The following MAST4 variants were observed in gnomAD, a reference collection of about 807,000 sequenced individuals.
MAST4 encodes microtubule associated serine/threonine kinase family member 4.
MAST4 carries 89 observed loss-of-function variants against 162.7 expected under a neutral mutation model. That is an observed-to-expected ratio of 0.55 (90% CI 0.46 to 0.65). The LOEUF (loss-of-function observed/expected upper bound fraction) is 0.65, where lower values mean the gene tolerates loss of function less well. MAST4 is among the 30% of genes least tolerant of loss of function. MAST4 has a pLI of 0.00. For synonymous variants in MAST4, 1,479 were observed against 1,361.1 expected (o/e 1.09, Z -1.91); for missense variants, 3,153 against 3,374.0 (o/e 0.93, Z 1.62).
chr5:66,683,154 C>T (rs998621000), intron 1 of MAST4, among the ~76,000 whole-genome samples: 5 of 152,160 alleles, frequency 3.3e-5, no homozygotes, highest in African/African-American at 1.2e-4. Context: ...AGCATAAGCT[C>T]CTGTTACTCT....
chr5:66,975,753 G>A (rs1196291215), intron 4 of MAST4, among the ~76,000 whole-genome samples: 1 of 152,160 alleles, frequency 6.6e-6, no homozygotes, highest in Non-Finnish European at 1.5e-5. Flanking sequence ...CAGCACTTTG[G>A]GAGGCCGAAG....
At chr5:67,142,606 A>G (rs753266495) in intron 21 of MAST4, 73 bp downstream of exon 21, 3 of 977,228 alleles carry the variant, frequency 3.1e-6, no homozygotes, top group Non-Finnish European at 4.7e-6. Context: ...GTATCCCCGA[A>G]CAGCTGGACA....
intron 1 of MAST4, among the ~76,000 whole-genome samples, chr5:66,620,047 CTTTTT>C (rs200969306): frequency 9.0e-4 from 120 of 133,838 alleles, no homozygotes; most frequent in African/African-American, 9.4e-4. Context: ...ACTTAGGTTG[CTTTTT>C]TTTTTTTTTT....
At chr5:67,086,969 T>G (rs949900193) in intron 5 of MAST4, among the ~76,000 whole-genome samples, 1 of 152,224 alleles carries the variant, frequency 6.6e-6, no homozygotes, top group Non-Finnish European at 1.5e-5. Flanking sequence ...TTGCTAAGTC[T>G]TCAGAGACTG....
At chr5:66,963,884 A>C in intron 4 of MAST4, 1 of 770,208 alleles carries the variant, frequency 1.3e-6, no homozygotes, top group Non-Finnish European at 2.4e-6. Context: ...TGCAATCCAC[A>C]ATCCACAGGG....
chr5:66,611,986 T>C (rs1329210923), intron 1 of MAST4, among the ~76,000 whole-genome samples: 1 of 152,214 alleles, frequency 6.6e-6, no homozygotes, highest in Admixed American at 6.5e-5. Flanking sequence ...AACTGTTAGA[T>C]CTTGGGCAGT....
chr5:67,127,098 T>C (rs2150977157), intron 14 of MAST4, among the ~76,000 whole-genome samples: 1 of 152,370 alleles, frequency 6.6e-6, no homozygotes, highest in East Asian at 1.9e-4. Context: ...CCTGAGACTT[T>C]GCTGAAGTTG....
chr5:67,124,828 C>T (rs1051183789), intron 14 of MAST4, among the ~76,000 whole-genome samples: 2 of 152,122 alleles, frequency 1.3e-5, no homozygotes, highest in Non-Finnish European at 1.5e-5. Context: ...AGACTAAAGC[C>T]GTTTTTTATA....
intron 1 of MAST4, among the ~76,000 whole-genome samples, chr5:66,688,558 A>G (rs1748840029): frequency 6.6e-6 from 1 of 152,172 alleles, no homozygotes; most frequent in South Asian, 2.1e-4. Context: ...CTGTCTCTTT[A>G]TACCTCTTAT....
chr5:66,815,525 T>C (rs1352357129), intron 3 of MAST4, among the ~76,000 whole-genome samples: 3 of 152,206 alleles, frequency 2.0e-5, no homozygotes, highest in Non-Finnish European at 4.4e-5. Context: ...CTATCTGTGG[T>C]TTCGGGCATT....
chr5:67,032,039 C>A (rs1416680933), intron 4 of MAST4, among the ~76,000 whole-genome samples: 1 of 152,134 alleles, frequency 6.6e-6, no homozygotes, highest in Non-Finnish European at 1.5e-5. Flanking sequence ...AATCTGCCCC[C>A]CTTCCAAAAA....
At chr5:67,132,891 A>T (rs1340085082) in intron 16 of MAST4, among the ~76,000 whole-genome samples, 1 of 152,150 alleles carries the variant, frequency 6.6e-6, no homozygotes, top group Non-Finnish European at 1.5e-5. Context: ...TCCATCCAGT[A>T]GCTTTTTAAA....
chr5:66,954,301 A>C (rs890715019), intron 4 of MAST4, among the ~76,000 whole-genome samples: 7 of 152,126 alleles, frequency 4.6e-5, no homozygotes, highest in Admixed American at 2.0e-4. Flanking sequence ...AACATGTCCC[A>C]ATTCTCCATT....
At chr5:66,788,346 G>A (rs141909141) in intron 2 of MAST4, among the ~76,000 whole-genome samples, 2 of 152,264 alleles carry the variant, frequency 1.3e-5, no homozygotes, top group African/African-American at 4.8e-5. Flanking sequence ...CTTCTGTGAT[G>A]CTGAGAATGC....
At chr5:66,718,566 G>A (rs901313336) in intron 1 of MAST4, among the ~76,000 whole-genome samples, 1 of 152,144 alleles carries the variant, frequency 6.6e-6, no homozygotes, top group African/African-American at 2.4e-5. Context: ...AAGGGCCTGA[G>A]GGTTTTGTGG....
chr5:66,725,038 G>T (rs1751426943), intron 1 of MAST4, among the ~76,000 whole-genome samples: 1 of 151,486 alleles, frequency 6.6e-6, no homozygotes, highest in African/African-American at 2.4e-5. Flanking sequence ...TGTTCTTAAT[G>T]AAATATTATT....
chr5:66,834,298 A>C (rs1249815409), intron 3 of MAST4, among the ~76,000 whole-genome samples: 1 of 152,208 alleles, frequency 6.6e-6, no homozygotes, highest in Non-Finnish European at 1.5e-5. Context: ...GAGAGGGAAC[A>C]GTTATAGAAC....
chr5:66,708,681 T>A (rs1750302131), intron 1 of MAST4, among the ~76,000 whole-genome samples: 1 of 152,192 alleles, frequency 6.6e-6, no homozygotes, highest in Non-Finnish European at 1.5e-5. Context: ...GAGCTGCATG[T>A]TTGGCTATTA....
At chr5:66,804,295 C>G (rs1756070483) in intron 3 of MAST4, among the ~76,000 whole-genome samples, 2 of 152,086 alleles carry the variant, frequency 1.3e-5, no homozygotes, top group Non-Finnish European at 2.9e-5. Flanking sequence ...ATCACAATTC[C>G]CCAGTGGCAT....
Sources: allele counts gnomAD v4.1 joint callset (sites outside exome capture counted in the v4.1 genomes callset), GRCh38; gene constraint gnomAD v4.1.1; transcripts MANE v1.5; gene names NCBI Gene and HGNC (gene_info 2026-07-23, HGNC 2026-07-21).